Variants in TSC1 observed in about 807,000 individuals in gnomAD.
TSC1 encodes the protein TSC complex subunit 1.
In TSC1, 20 loss-of-function variants were observed where a neutral mutation model predicts 124.3. That is an observed-to-expected ratio of 0.16 (90% CI 0.11 to 0.23). The LOEUF (loss-of-function observed/expected upper bound fraction) is 0.23, where lower values mean the gene tolerates loss of function less well. TSC1 is among the 10% of genes least tolerant of loss of function. The pLI is 1.00. For missense variants in TSC1, 1,124 were observed against 1,448.5 expected (o/e 0.78, Z 3.64); for synonymous variants, 493 against 539.1 (o/e 0.91, Z 1.19).
chr9:132,900,675 G>T (rs200991607), intron 20 of TSC1, 40 bp downstream of exon 20: 1 of 1,612,480 alleles, frequency 6.2e-7, no homozygotes, highest in East Asian at 2.2e-5. Context: ...GGTCTGAAAC[G>T]CTTTCCCCAC....
intron 1 of TSC1, among the ~76,000 whole-genome samples, chr9:132,939,684 G>A (rs1011590205): frequency 6.6e-6 from 1 of 152,160 alleles, no homozygotes; most frequent in Non-Finnish European, 1.5e-5. Flanking sequence ...AAGACACTAC[G>A]CAGAGCTTCT....
At chr9:132,897,777 C>A (rs12350315) in intron 20 of TSC1, among the ~76,000 whole-genome samples, 167 bp from the exon 21 acceptor site, 1 of 151,994 alleles carries the variant, frequency 6.6e-6, no homozygotes, top group Non-Finnish European at 1.5e-5. Flanking sequence ...GTAGTATTAT[C>A]CTAGTAACCC....
In TSC1 at chr9:132,894,911, G is replaced by A. The variant is rs774716260; in HGVS notation, c.*1324C>T. The A allele has an allele frequency of 1.8e-4, 42 of 231,850 alleles. No homozygotes were observed. The highest frequency in any genetic ancestry group is 2.6e-4 in the Non-Finnish European group (30 of 117,246). 14.4% of individuals were successfully genotyped at this position (231,850 alleles called of 1,614,324 possible). On this transcript the variant is annotated 3_prime_UTR_variant, in exon 23 of 23. Coordinates refer to ENST00000298552, the MANE Select transcript of TSC1 (RefSeq NM_000368.5). Reference sequence around the variant, plus strand: ...CCAGACCACAGTTCTTAGGCTTCTAGCGTTTCTTTCAGGAGCACTTGTTGA... The same window carrying A: ...CCAGACCACAGTTCTTAGGCTTCTAACGTTTCTTTCAGGAGCACTTGTTGA...
intron 8 of TSC1, 45 bp from the exon 9 acceptor site, chr9:132,912,502 T>C: frequency 6.2e-7 from 1 of 1,609,848 alleles, no homozygotes; most frequent in Non-Finnish European, 8.5e-7. Context: ...TGTAATCAAC[T>C]GAATTAAATA....
chr9:132,916,330 T>G (rs549249814), intron 8 of TSC1, among the ~76,000 whole-genome samples: 1 of 152,312 alleles, frequency 6.6e-6, no homozygotes, highest in East Asian at 1.9e-4. Flanking sequence ...CTGCTTCCAA[T>G]TCTGTTAGCT....
intron 3 of TSC1, 109 bp from the exon 4 acceptor site, chr9:132,927,413 T>A (rs1846937325): frequency 9.8e-7 from 1 of 1,024,304 alleles, no homozygotes; most frequent in Admixed American, 2.0e-5. Flanking sequence ...TATATGCTAT[T>A]CTAAGTTTTG....
intron 8 of TSC1, among the ~76,000 whole-genome samples, chr9:132,915,997 T>C (rs937976910): frequency 1.3e-5 from 2 of 152,174 alleles, no homozygotes; most frequent in Non-Finnish European, 2.9e-5. Flanking sequence ...ACAAGAAGAT[T>C]GATTTTAGAG....
rs574614172 is a variant in TSC1, at chr9:132,903,523, C to T, written c.2208+128G>A. The stretch of plus-strand genomic sequence containing the variant: ...TCACCATTCATGTCTTAATCTCAAG[C>T]GACCTGCCCAAAGGAGTGGGAAGGA... On this transcript the variant is annotated intron_variant, in intron 17 of 22. Transcript: ENST00000298552. This position sits in a 1 kb window ranked among gnomAD's most constrained non-coding sequence, Gnocchi z 5.9. 1.9e-4 allele frequency: 260 copies of T among 1,349,378 alleles called. No homozygotes were observed. Among genetic ancestry groups the T allele is most frequent in the Middle Eastern group, 1.0e-3 (4 of 3,916 alleles). The allele number at this position is 1,349,378 out of a possible 1,614,324, so 83.6% of individuals were successfully genotyped here. A position where few individuals can be genotyped will look rare whatever the true frequency, so the allele number is the denominator to read the frequency against.
rs7020438 is a variant in TSC1, at chr9:132,900,954, C to A, written c.2503-117G>T. On this transcript the variant is annotated intron_variant, in intron 19 of 22. Coordinates refer to ENST00000298552, the MANE Select transcript of TSC1 (RefSeq NM_000368.5). Reference sequence around the variant, plus strand: ...ATTTCAATGTTAAGGCAAAATAAACCAGTCCCATGGGTTCACAGTCCCTGA... The same window carrying A: ...ATTTCAATGTTAAGGCAAAATAAACAAGTCCCATGGGTTCACAGTCCCTGA... 220,093 of 1,459,088 alleles carry A rather than the reference C, an allele frequency of 0.15. 18,447 individuals carry two copies. The highest frequency in any genetic ancestry group is 0.34 in the African/African-American group (24,814 of 71,928). 90.4% of individuals were successfully genotyped at this position (1,459,088 alleles called of 1,614,324 possible).
intron 1 of TSC1, chr9:132,941,692 G>C (rs1847746022): frequency 1.3e-5 from 2 of 152,178 alleles, no homozygotes; most frequent in South Asian, 2.1e-4. Context: ...TTTTCAAAGA[G>C]TATTATGATG....
At chr9:132,910,752 AT>A (rs869165825) in intron 11 of TSC1, 60 bp from the exon 12 acceptor site, 9 of 1,608,014 alleles carry the variant, frequency 5.6e-6, no homozygotes, top group African/African-American at 2.7e-5. Flanking sequence ...AAAACTGCCG[AT>A]TTTTTTTCAG....
Position 132,900,599 on chromosome 9 carries a change from C to T in TSC1, c.2625+116G>A, listed in dbSNP as rs552973548. On this transcript the variant is annotated intron_variant, in intron 20 of 22. Transcript: ENST00000298552. ...CTGGACCACGGAGTAGTGGGACTGC[C>T]GCTCCGTCTTTTAGGAAATAAGTCA... 5.2e-5 allele frequency: 80 copies of T among 1,547,026 alleles called. No homozygotes were observed. In the South Asian group the frequency reaches 5.5e-4, roughly 11 times the overall value.
intron 12 of TSC1, among the ~76,000 whole-genome samples, chr9:132,908,488 T>C (rs1231648101): frequency 6.6e-6 from 1 of 152,238 alleles, no homozygotes; most frequent in African/African-American, 2.4e-5. Context: ...GGTCTGGCTC[T>C]GTCACCTAGG....
rs536391268 is a variant in TSC1, at chr9:132,894,745, G to C, written c.*1490C>G. The C allele has an allele frequency of 4.7e-6, 1 of 213,854 alleles. No homozygotes were observed. Among genetic ancestry groups the C allele is most frequent in the East Asian group, 6.8e-5 (1 of 14,812 alleles). 13.2% of individuals were successfully genotyped at this position (213,854 alleles called of 1,614,324 possible). A position where few individuals can be genotyped will look rare whatever the true frequency, so the allele number is the denominator to read the frequency against. ...TTCATTCTCTCTGCTCGAGGCCTCC[G>C]TGGGCACTAAGATTTCGTACCGTGA... is the stretch of plus-strand genomic sequence containing the variant. On this transcript the variant is annotated 3_prime_UTR_variant, in exon 23 of 23. Transcript: ENST00000298552.
Position 132,921,229 on chromosome 9 carries a change from G to T in TSC1, c.737+134C>A. On this transcript the variant is annotated intron_variant, in intron 8 of 22. Coordinates refer to ENST00000298552, the MANE Select transcript of TSC1 (RefSeq NM_000368.5). The surrounding 1 kb of genome is among the most constrained non-coding windows in gnomAD (Gnocchi z 4.3). Reference sequence around the variant, plus strand: ...AAACTCACACAAATTTTAGCTGTATGAGTGCTTCCAAGTGGACTGATTCTG... The same window carrying T: ...AAACTCACACAAATTTTAGCTGTATTAGTGCTTCCAAGTGGACTGATTCTG... 4.4e-6 allele frequency: 4 copies of T among 902,866 alleles called. No individual in the cohort carries two copies. The highest frequency in any genetic ancestry group is 7.1e-6 in the Non-Finnish European group (4 of 561,960). The allele number at this position is 902,866 out of a possible 1,614,324, so 55.9% of individuals were successfully genotyped here. A position where few individuals can be genotyped will look rare whatever the true frequency, so the allele number is the denominator to read the frequency against.
chr9:132,895,764 A>T lies in TSC1; in HGVS notation c.*471T>A, dbSNP rs901607856. On this transcript the variant is annotated 3_prime_UTR_variant, in exon 23 of 23. Transcript: ENST00000298552. ...TTCATGTAAAGACAACCAGCTTTGC[A>T]GGCTATGTCCTCCTGGAAGGGACAA... The T allele has an allele frequency of 1.2e-5, 3 of 254,230 alleles. No homozygotes were observed. Among genetic ancestry groups the T allele is most frequent in the African/African-American group, 6.6e-5 (3 of 45,664 alleles). 15.7% of individuals were successfully genotyped at this position (254,230 alleles called of 1,614,324 possible). A position where few individuals can be genotyped will look rare whatever the true frequency, so the allele number is the denominator to read the frequency against.
Position 132,902,554 on chromosome 9 carries a change from C to T in TSC1, c.2391+51G>A, listed in dbSNP as rs772918408. The T allele has an allele frequency of 1.9e-6, 3 of 1,610,508 alleles. No homozygotes were observed. Among genetic ancestry groups the T allele is most frequent in the Non-Finnish European group, 2.5e-6 (3 of 1,178,026 alleles). On this transcript the variant is annotated intron_variant, in intron 18 of 22. Transcript: ENST00000298552. The surrounding 1 kb of genome is among the most constrained non-coding windows in gnomAD (Gnocchi z 5.2). ...GGGAAACTGACTGCCTCCCTCCCCA[C>T]TGCTCTCCGGCATTCTCGCAGTTGG...
Position 132,902,517 on chromosome 9 carries a change from C to A in TSC1, c.2391+88G>T. The A allele has an allele frequency of 6.6e-7, 1 of 1,509,696 alleles. No individual in the cohort carries two copies. The highest frequency in any genetic ancestry group is 1.1e-5 in the South Asian group (1 of 88,580). The allele number at this position is 1,509,696 out of a possible 1,614,324, so 93.5% of individuals were successfully genotyped here. On this transcript the variant is annotated intron_variant, in intron 18 of 22. Transcript: ENST00000298552. This position sits in a 1 kb window ranked among gnomAD's most constrained non-coding sequence, Gnocchi z 5.2. ...TTCAGCTTAGTAAAGCTGAACAAGT[C>A]AAGGACACCCAGGGAAACTGACTGC...
chr9:132,905,533 C>T (rs1275432245), intron 15 of TSC1, 48 bp downstream of exon 15: 2 of 1,611,504 alleles, frequency 1.2e-6, no homozygotes, highest in Non-Finnish European at 1.7e-6. Flanking sequence ...CTGTACTTCA[C>T]AATAAAATGG....
Sources: allele counts gnomAD v4.1 joint callset (sites outside exome capture counted in the v4.1 genomes callset), GRCh38; gene constraint gnomAD v4.1.1; non-coding constraint Gnocchi (gnomAD v3.1); transcripts MANE v1.5; gene names NCBI Gene and HGNC (gene_info 2026-07-23, HGNC 2026-07-21).